Variants in PDE9A observed in about 807,000 individuals in gnomAD.
PDE9A encodes the protein high affinity cGMP-specific 3',5'-cyclic phosphodiesterase 9A.
PDE9A carries 60 observed loss-of-function variants against 87.4 expected under a neutral mutation model. That is an observed-to-expected ratio of 0.69 (90% CI 0.56 to 0.85). The LOEUF is 0.85. PDE9A is among the 40% of genes least tolerant of loss of function. The pLI is 0.00. For missense variants in PDE9A, 665 were observed against 779.0 expected (o/e 0.85, Z 1.74); for synonymous variants, 272 against 279.4 (o/e 0.97, Z 0.27).
chr21:42,736,780 C>A (rs943126314), intron 7 of PDE9A, among the ~76,000 whole-genome samples: 1 of 152,234 alleles, frequency 6.6e-6, no homozygotes, highest in African/African-American at 2.4e-5. Context: ...CACACCCCCA[C>A]CCCAGGAGGC....
Position 42,756,367 on chromosome 21 carries a change from G to A in PDE9A, c.810+2303G>A, listed in dbSNP as rs966702940. 2.6e-5 allele frequency among the ~76,000 whole-genome samples: 4 copies of A among 152,140 alleles called. No individual in the cohort carries two copies. The East Asian group carries it at 7.7e-4, about 29-fold the overall frequency. On this transcript the variant is annotated intron_variant, in intron 10 of 19. Coordinates refer to ENST00000291539, the MANE Select transcript of PDE9A (RefSeq NM_002606.3). ...CACTCGGCCCCACAAAACTGCATCT[G>A]GCCACGCATGAGGCACCTGGCACTC...
intron 3 of PDE9A, among the ~76,000 whole-genome samples, chr21:42,693,588 CTTTTT>C (rs371936659): frequency 4.8e-5 from 6 of 124,374 alleles, no homozygotes; most frequent in South Asian, 2.6e-4. Context: ...CCGCGTCCTA[CTTTTT>C]TTTTTTTTTT....
At chr21:42,699,218 C>CT (rs2146324230) in intron 4 of PDE9A, among the ~76,000 whole-genome samples, 1 of 152,354 alleles carries the variant, frequency 6.6e-6, no homozygotes, top group East Asian at 1.9e-4. Context: ...AAACCTTGTA[C>CT]TACTGTAAGG....
At chr21:42,710,708 C>A (rs1380395377) in intron 4 of PDE9A, among the ~76,000 whole-genome samples, 1 of 152,178 alleles carries the variant, frequency 6.6e-6, no homozygotes, top group African/African-American at 2.4e-5. Flanking sequence ...TTTGCTCAGG[C>A]CAGGTCCGGT....
rs1227286748 is a variant in PDE9A at position 42,675,788 on chromosome 21, G to A, written c.70-10404G>A. Among the ~76,000 whole-genome samples the A allele has an allele frequency of 6.6e-6, 1 of 152,190 alleles. No individual in the cohort carries two copies. The highest frequency in any genetic ancestry group is 1.5e-5 in the Non-Finnish European group (1 of 68,030). On this transcript the variant is annotated intron_variant, in intron 1 of 19. Transcript: ENST00000291539. The surrounding 1 kb of genome is among the most constrained non-coding windows in gnomAD (Gnocchi z 4.3). ...GGCCCAGTCTTACAACCAGGGTATTGACAGCGAGACAAGCCCCCATCTGAT... is the reference window on the plus strand; with the variant it reads ...GGCCCAGTCTTACAACCAGGGTATTAACAGCGAGACAAGCCCCCATCTGAT...
At chr21:42,762,020 T>G (rs2055834903) in intron 13 of PDE9A, 63 bp from the exon 14 acceptor site, 1 of 1,510,744 alleles carries the variant, frequency 6.6e-7, no homozygotes, top group African/African-American at 1.4e-5. Flanking sequence ...TGGGTGTTGC[T>G]CCCCCGTGCA....
At chr21:42,721,546 T>C (rs937661664) in intron 4 of PDE9A, among the ~76,000 whole-genome samples, 6 of 152,234 alleles carry the variant, frequency 3.9e-5, no homozygotes, top group Admixed American at 3.3e-4. Context: ...TCCTGGGCTA[T>C]AAAGGAAATG....
intron 4 of PDE9A, 136 bp from the exon 5 acceptor site, chr21:42,731,634 C>T (rs2146715079): frequency 1.1e-6 from 1 of 898,196 alleles, no homozygotes; most frequent in Admixed American, 2.3e-5. Context: ...TGCAGACCCG[C>T]CGTGAGAACA....
intron 4 of PDE9A, chr21:42,724,772 A>AT (rs1202918306): frequency 5.9e-6 from 1 of 169,392 alleles, no homozygotes; most frequent in Non-Finnish European, 1.2e-5. Context: ...ACAGACCAGG[A>AT]TACCAGCATC....
chr21:42,709,568 C>T (rs552358527), intron 4 of PDE9A, among the ~76,000 whole-genome samples: 6 of 152,342 alleles, frequency 3.9e-5, no homozygotes, highest in African/African-American at 1.2e-4. Context: ...CAAGGCAGTC[C>T]TCACTGTGGA....
At chr21:42,661,356 G>T (rs1476828393) in intron 1 of PDE9A, among the ~76,000 whole-genome samples, 1 of 150,692 alleles carries the variant, frequency 6.6e-6, no homozygotes, top group Non-Finnish European at 1.5e-5. Flanking sequence ...TTTAAATTGT[G>T]GTAAAATATA....
intron 16 of PDE9A, 111 bp downstream of exon 16, chr21:42,768,403 C>T (rs2056609594): frequency 3.9e-6 from 4 of 1,016,996 alleles, no homozygotes; most frequent in Non-Finnish European, 5.8e-6. Flanking sequence ...CCCCGGGCTG[C>T]CGACAGTTCA....
At chr21:42,742,546 A>G (rs969173860) in intron 7 of PDE9A, among the ~76,000 whole-genome samples, 1 of 145,448 alleles carries the variant, frequency 6.9e-6, no homozygotes, top group African/African-American at 2.6e-5. Context: ...GCTCACTGCA[A>G]CCTCCGCCTC....
In PDE9A at chr21:42,760,831, T is replaced by C; in HGVS notation, c.1009T>C (p.Phe337Leu). ...GCCCTGTTTTCCAATCCAGGAGAAG[T>C]TCTCACAAACGGATATCCTGATCCT... ...MVWLCSLQEK[F>L]SQTDILILMT... Residue 337 changes from phenylalanine (F) to leucine (L), a missense_variant, in exon 13 of 20, where the codon TTC becomes CTC. Coordinates refer to ENST00000291539, the MANE Select transcript of PDE9A (RefSeq NM_002606.3). This position sits in a 1 kb window ranked among gnomAD's most constrained non-coding sequence, Gnocchi z 5.2. 6.2e-7 allele frequency: 1 copy of C among 1,604,902 alleles called. No individual in the cohort carries two copies. Among genetic ancestry groups the C allele is most frequent in the Non-Finnish European group, 8.5e-7 (1 of 1,172,216 alleles).
chr21:42,715,547 G>A (rs1332993625), intron 4 of PDE9A, among the ~76,000 whole-genome samples: 1 of 151,678 alleles, frequency 6.6e-6, no homozygotes, highest in Non-Finnish European at 1.5e-5. Flanking sequence ...AATCCGGAAG[G>A]CGGAGGTTGC....
chr21:42,688,273 G>A (rs2059588180), intron 3 of PDE9A, among the ~76,000 whole-genome samples: 1 of 152,140 alleles, frequency 6.6e-6, no homozygotes, highest in Non-Finnish European at 1.5e-5. Context: ...GGCCCAGGAG[G>A]GTGAGCCAAG....
At chr21:42,758,211 C>G (rs975296926) in intron 10 of PDE9A, 1 of 152,288 alleles carries the variant, frequency 6.6e-6, no homozygotes, top group Non-Finnish European at 1.5e-5. Context: ...TTAAAAATCA[C>G]TTCATCTTTT....
At chr21:42,663,489 T>C (rs2057746850) in intron 1 of PDE9A, among the ~76,000 whole-genome samples, 1 of 152,202 alleles carries the variant, frequency 6.6e-6, no homozygotes, top group African/African-American at 2.4e-5. Flanking sequence ...GCTTGCCTCC[T>C]ATACGTGCCG....
chr21:42,748,062 A>G (rs2054049519), intron 8 of PDE9A, among the ~76,000 whole-genome samples: 2 of 152,178 alleles, frequency 1.3e-5, no homozygotes, highest in Middle Eastern at 3.2e-3. Context: ...ATCTGCAAGG[A>G]AACAGCGGGA....
Sources: gnomAD v4.1 joint callset for allele counts (sites outside exome capture counted in the v4.1 genomes callset) on GRCh38, gnomAD v4.1.1 for gene constraint, Gnocchi (gnomAD v3.1) non-coding constraint, MANE v1.5 for transcripts, NCBI Gene and HGNC (gene_info 2026-07-23, HGNC 2026-07-21) for gene names.